TASP1: variants seen among roughly 807,000 people sequenced by gnomAD.
TASP1 encodes the protein threonine aspartase 1.
In TASP1, 16 loss-of-function variants were observed where a neutral mutation model predicts 56.6. The ratio of observed to expected loss-of-function variants is 0.28; its 90% CI spans 0.19 to 0.43. TASP1 has a LOEUF of 0.43. Among genes scored for constraint, TASP1 ranks in the 20% least tolerant of loss-of-function variants. TASP1 has a pLI of 1.00. For missense variants in TASP1, 393 were observed against 511.6 expected (o/e 0.77, Z 2.24); for synonymous variants, 179 against 184.2 (o/e 0.97, Z 0.23).
At chr20:13,112,479 C>A in the TASP1 span, among the ~76,000 whole-genome samples, 1 of 152,150 alleles carries the variant, frequency 6.6e-6, no homozygotes, top group Non-Finnish European at 1.5e-5. Context: ...TGAGGCCAGC[C>A]CCGATTCAAA....
At chr20:13,560,836 G>A (rs1024109912) in intron 7 of TASP1, among the ~76,000 whole-genome samples, 1 of 152,150 alleles carries the variant, frequency 6.6e-6, no homozygotes, top group Non-Finnish European at 1.5e-5. Flanking sequence ...TTTGATGAAA[G>A]ATATGAACAC....
chr20:13,589,110 T>C (rs1601357787), intron 4 of TASP1, among the ~76,000 whole-genome samples: 1 of 144,052 alleles, frequency 6.9e-6, no homozygotes, highest in Non-Finnish European at 1.5e-5. Context: ...CAGGCTGGAG[T>C]GCAGTGGTGT....
At chr20:13,150,901 C>T in the TASP1 span, among the ~76,000 whole-genome samples, 1 of 152,144 alleles carries the variant, frequency 6.6e-6, no homozygotes, top group South Asian at 2.1e-4. Flanking sequence ...GTTCATTCAT[C>T]ATTTATTGAT....
intron 5 of TASP1, among the ~76,000 whole-genome samples, chr20:13,583,469 T>A (rs534555260): frequency 6.6e-6 from 1 of 152,362 alleles, no homozygotes; most frequent in South Asian, 2.1e-4. Flanking sequence ...CGTCCCATGT[T>A]TATAGAGTTA....
the TASP1 span, among the ~76,000 whole-genome samples, chr20:13,212,178 A>G: frequency 6.6e-6 from 1 of 152,230 alleles, no homozygotes; most frequent in East Asian, 1.9e-4. Context: ...GTTCTGGTCA[A>G]TGGCAAGTGA....
intron 11 of TASP1, among the ~76,000 whole-genome samples, chr20:13,463,082 A>G (rs2044116208): frequency 6.6e-6 from 1 of 152,158 alleles, no homozygotes; most frequent in African/African-American, 2.4e-5. Context: ...AAAAAAGAAC[A>G]AAATTGGAGG....
At chr20:13,129,100 C>T in the TASP1 span, among the ~76,000 whole-genome samples, 6 of 151,960 alleles carry the variant, frequency 3.9e-5, no homozygotes, top group African/African-American at 9.7e-5. Context: ...CTCCTGACCT[C>T]GGGTGATCTG....
At chr20:13,431,965 C>A (rs974025711) in intron 12 of TASP1, among the ~76,000 whole-genome samples, 1 of 152,188 alleles carries the variant, frequency 6.6e-6, no homozygotes, top group African/African-American at 2.4e-5. Context: ...CCTTGGACTT[C>A]TAAGCCTCCA....
intron 10 of TASP1, among the ~76,000 whole-genome samples, chr20:13,501,402 G>C (rs1400321662): frequency 6.6e-6 from 1 of 151,916 alleles, no homozygotes; most frequent in Non-Finnish European, 1.5e-5. Flanking sequence ...ATATATTTTA[G>C]AATTTGTAAC....
chr20:13,532,964 T>A (rs977144587), intron 9 of TASP1, among the ~76,000 whole-genome samples: 11 of 152,208 alleles, frequency 7.2e-5, no homozygotes, highest in African/African-American at 2.7e-4. Context: ...AATCATTCCC[T>A]ATACAGCCCC....
chr20:13,396,649 T>C (rs555552317), intron 13 of TASP1, among the ~76,000 whole-genome samples: 26 of 152,290 alleles, frequency 1.7e-4, no homozygotes, highest in African/African-American at 6.3e-4. Flanking sequence ...AAATTAAAAG[T>C]ATTAAATAGG....
chr20:13,551,898 C>G (rs1301920937), intron 8 of TASP1, among the ~76,000 whole-genome samples: 2 of 152,072 alleles, frequency 1.3e-5, no homozygotes, highest in African/African-American at 4.8e-5. Context: ...GATAAGTATT[C>G]CAACAATGAG....
At chr20:13,480,567 G>C (rs998997600) in intron 11 of TASP1, among the ~76,000 whole-genome samples, 2 of 152,154 alleles carry the variant, frequency 1.3e-5, no homozygotes, top group African/African-American at 4.8e-5. Context: ...GATCCCAGTG[G>C]CAAGATGAAA....
chr20:13,259,308 G>A, the TASP1 span, among the ~76,000 whole-genome samples: 1 of 151,310 alleles, frequency 6.6e-6, no homozygotes, highest in Non-Finnish European at 1.5e-5. Context: ...AACAAAAGGA[G>A]TCTAGATAAT....
chr20:13,193,001 T>A, the TASP1 span, among the ~76,000 whole-genome samples: 6 of 152,212 alleles, frequency 3.9e-5, no homozygotes, highest in Non-Finnish European at 8.8e-5. Flanking sequence ...GTACTTCATA[T>A]GAAGTGTGTT....
At chr20:13,446,236 T>C (rs908168027) in intron 11 of TASP1, among the ~76,000 whole-genome samples, 1 of 152,046 alleles carries the variant, frequency 6.6e-6, no homozygotes, top group Admixed American at 6.6e-5. Flanking sequence ...CAAAAATGTT[T>C]CCAGTGTAGT....
chr20:13,300,628 A>G, the TASP1 span: 92 of 152,352 alleles, frequency 6.0e-4, no homozygotes, highest in African/African-American at 2.1e-3. Flanking sequence ...AAGAGAGTAT[A>G]TAATAAAATC....
intron 4 of TASP1, among the ~76,000 whole-genome samples, chr20:13,594,877 A>T (rs914642018): frequency 6.6e-6 from 1 of 152,182 alleles, no homozygotes; most frequent in Non-Finnish European, 1.5e-5. Flanking sequence ...TACAGAGAAC[A>T]CCACAAAGAT....
chr20:13,304,378 T>TC, the TASP1 span, among the ~76,000 whole-genome samples: 1 of 152,034 alleles, frequency 6.6e-6, no homozygotes, highest in East Asian at 1.9e-4. Context: ...TCCTTCTCAC[T>TC]CCCCCACTGT....
Sources: gnomAD v4.1 joint callset for allele counts (sites outside exome capture counted in the v4.1 genomes callset) on GRCh38, gnomAD v4.1.1 for gene constraint, MANE v1.5 for transcripts, NCBI Gene and HGNC (gene_info 2026-07-23, HGNC 2026-07-21) for gene names.